The following PRUNE2 variants were observed in gnomAD, a reference collection of about 807,000 sequenced individuals.
PRUNE2 encodes the protein prune homolog 2 with BCH domain, also known as protein prune homolog 2.
A neutral mutation model predicts 252.0 loss-of-function variants in PRUNE2; 164 were observed. That is an observed-to-expected ratio of 0.65 (90% CI 0.57 to 0.74). PRUNE2 has a LOEUF of 0.74. Among genes scored for constraint, PRUNE2 ranks in the 30% least tolerant of loss-of-function variants. PRUNE2 has a pLI of 0.00. For missense variants in PRUNE2, 3,495 were observed against 3,711.0 expected (o/e 0.94, Z 1.51); for synonymous variants, 1,292 against 1,350.2 (o/e 0.96, Z 0.94).
chr9:76,855,064 C>CAAA (rs772890225), intron 1 of PRUNE2, among the ~76,000 whole-genome samples: 50 of 78,168 alleles, frequency 6.4e-4, no homozygotes, highest in African/African-American at 2.8e-3. Context: ...GACTCCATCT[C>CAAA]AAAAAAAAAA....
In PRUNE2 at chr9:76,638,262, T is replaced by C; in HGVS notation, c.8755A>G (p.Ile2919Val). Residue 2919 changes from isoleucine (I) to valine (V), a missense_variant, in exon 13 of 19, where the codon ATC becomes GTC. Coordinates refer to ENST00000376718, the MANE Select transcript of PRUNE2 (RefSeq NM_015225.3). ...GGYYGDGLNAIIVFAACFLPD... is the reference protein window; with the variant it reads ...GGYYGDGLNAVIVFAACFLPD... ...AGAAAACAGGCGGCAAACACAATGA[T>C]GGCATTTAGACCGTCCCCATAGTAT... The C allele has an allele frequency of 6.2e-7, 1 of 1,613,764 alleles. No individual in the cohort carries two copies. Among genetic ancestry groups the C allele is most frequent in the African/African-American group, 1.3e-5 (1 of 75,062 alleles).
chr9:76,644,778 T>G lies in PRUNE2; in HGVS notation c.8689A>C (p.Lys2897Gln). 1.2e-6 allele frequency: 2 copies of G among 1,613,924 alleles called. No individual in the cohort carries two copies. The highest frequency in any genetic ancestry group is 8.5e-7 in the Non-Finnish European group (1 of 1,179,846). The change falls in exon 12 of 19, where the codon AAG becomes CAG. Residue 2897 changes from lysine (K) to glutamine (Q), a missense_variant. By Grantham distance (53) the Lys-to-Gln change is moderately conservative. Transcript: ENST00000376718. ...IGEQEQRIDM[K>Q]VIEPYRRVIS... ...ACTCTCCTGTAGGGCTCGATGACCTTCATGTCAATGCGCTGCTCTTGTTCT... is the reference window on the plus strand; with the variant it reads ...ACTCTCCTGTAGGGCTCGATGACCTGCATGTCAATGCGCTGCTCTTGTTCT...
At chr9:76,632,712 G>A (rs116721597) in intron 15 of PRUNE2, among the ~76,000 whole-genome samples, 74 of 152,008 alleles carry the variant, frequency 4.9e-4, no homozygotes, top group African/African-American at 1.7e-3. Context: ...CACATGCTAC[G>A]CTGCCTAGCT....
chr9:76,739,013 G>A (rs1461230140), intron 6 of PRUNE2: 1 of 152,066 alleles, frequency 6.6e-6, no homozygotes, highest in Non-Finnish European at 1.5e-5. Context: ...CTGTGAAGTG[G>A]GCAGAGCTGG....
At chr9:76,641,376 G>A (rs900114878) in intron 12 of PRUNE2, among the ~76,000 whole-genome samples, 1 of 152,180 alleles carries the variant, frequency 6.6e-6, no homozygotes. Flanking sequence ...TCAAGAGCCA[G>A]TGCCGTTGGC....
At chr9:76,624,075 C>T (rs1459076196) in intron 17 of PRUNE2, among the ~76,000 whole-genome samples, 2 of 152,124 alleles carry the variant, frequency 1.3e-5, no homozygotes, top group Non-Finnish European at 2.9e-5. Context: ...TTCCAAATCT[C>T]GATGTGTTAT....
intron 17 of PRUNE2, among the ~76,000 whole-genome samples, chr9:76,620,898 C>A (rs909699852): frequency 1.3e-5 from 2 of 152,220 alleles, no homozygotes; most frequent in Non-Finnish European, 2.9e-5. Context: ...CACACGGATG[C>A]TTCCCAATTT....
intron 6 of PRUNE2, among the ~76,000 whole-genome samples, chr9:76,797,781 G>A (rs1370362226): frequency 6.6e-6 from 1 of 152,036 alleles, no homozygotes; most frequent in African/African-American, 2.4e-5. Flanking sequence ...GGTAGAGAGG[G>A]GAAGGGGTTG....
intron 14 of PRUNE2, 72 bp downstream of exon 14, chr9:76,637,346 G>GTA (rs1840609729): frequency 2.1e-6 from 3 of 1,404,818 alleles, no homozygotes; most frequent in African/African-American, 1.4e-5. Context: ...GATAATAACA[G>GTA]TATACCATGT....
chr9:76,896,740 C>G (rs2062845951), intron 1 of PRUNE2, among the ~76,000 whole-genome samples: 1 of 152,116 alleles, frequency 6.6e-6, no homozygotes, highest in African/African-American at 2.4e-5. Context: ...TGTTCTAACC[C>G]TGGATCTTCT....
chr9:76,800,088 A>G (rs745434639), intron 6 of PRUNE2, among the ~76,000 whole-genome samples: 2 of 152,122 alleles, frequency 1.3e-5, no homozygotes, highest in African/African-American at 2.4e-5. Context: ...TCTAGGGTAC[A>G]TGTGCACAAC....
chr9:76,692,015 C>G (rs184535973), intron 9 of PRUNE2: 18 of 715,694 alleles, frequency 2.5e-5, no homozygotes, highest in Admixed American at 2.0e-5. Flanking sequence ...ACAACACTCT[C>G]CATCTCATTC....
chr9:76,868,645 C>T (rs903773031), intron 1 of PRUNE2, among the ~76,000 whole-genome samples: 3 of 152,184 alleles, frequency 2.0e-5, no homozygotes, highest in Non-Finnish European at 4.4e-5. Flanking sequence ...ACTCACCTAG[C>T]GTCAATATGC....
rs960511619 is a variant in PRUNE2, at chr9:76,882,594, G to A, written c.36+23334C>T. ...GTGGAAAGAAAGCGGGGAGCAAAGC[G>A]TCTCACATGGTGGGAACAGGAGCAA... On this transcript the variant is annotated intron_variant, in intron 1 of 18. Coordinates refer to ENST00000376718, the MANE Select transcript of PRUNE2 (RefSeq NM_015225.3). Among the ~76,000 whole-genome samples the A allele has an allele frequency of 2.6e-5, 4 of 152,172 alleles. No individual in the cohort carries two copies. In the East Asian group the frequency reaches 5.8e-4, roughly 22 times the overall value.
rs896307019 is a variant in PRUNE2 at position 76,843,815 on chromosome 9, G to A, written c.508+2700C>T. Among the ~76,000 whole-genome samples the A allele has an allele frequency of 4.0e-4, 56 of 139,362 alleles. 1 individual carries two copies. The highest frequency in any genetic ancestry group is 3.1e-3 in the Admixed American group (40 of 12,996). The allele number at this position is 139,362 out of a possible 152,430, so 91.4% of individuals were successfully genotyped here. ...GAGATCTCGGCTCACTGCAACCTTC[G>A]CTTCCTGGGTTCAAGCAATTCTCCC... On this transcript the variant is annotated intron_variant, in intron 4 of 18. Transcript: ENST00000376718.
At chr9:76,712,116 A>G (rs1010071941) in intron 7 of PRUNE2, among the ~76,000 whole-genome samples, 1 of 152,170 alleles carries the variant, frequency 6.6e-6, no homozygotes, top group African/African-American at 2.4e-5. Context: ...CACTACCACC[A>G]TGGAGCTCAC....
At chr9:76,745,492 G>A (rs1373333243) in intron 6 of PRUNE2, among the ~76,000 whole-genome samples, 1 of 152,034 alleles carries the variant, frequency 6.6e-6, no homozygotes, top group African/African-American at 2.4e-5. Flanking sequence ...ACTCCACCTG[G>A]ACCTGCCAAC....
chr9:76,688,282 G>A (rs991079064), intron 9 of PRUNE2, among the ~76,000 whole-genome samples: 4 of 152,202 alleles, frequency 2.6e-5, no homozygotes, highest in African/African-American at 9.6e-5. Flanking sequence ...TAGTCATAGA[G>A]ACCATTGTCC....
At position 76,703,351 on chromosome 9, in the gene PRUNE2, T is replaced by C. The variant is rs752954304; in HGVS notation, c.8262A>G (p.Ile2754Met). The C allele has an allele frequency of 3.8e-6, 6 of 1,590,234 alleles. No homozygotes were observed. The highest frequency in any genetic ancestry group is 4.3e-6 in the Non-Finnish European group (5 of 1,168,982). ...ETEFLELGTRISRPNGLLSED... is the reference protein window; with the variant it reads ...ETEFLELGTRMSRPNGLLSED... ...TTTTTGCTTACCCATTTGGTCTTGA[T>C]ATCCTGGTTCCGAGCTCAAGGAACT... is the stretch of plus-strand genomic sequence containing the variant. Residue 2754 changes from isoleucine to methionine, a missense_variant, in exon 9 of 19, where the codon ATA becomes ATG. Ile to Met is a conservative substitution (Grantham distance 10). Coordinates refer to ENST00000376718, the MANE Select transcript of PRUNE2 (RefSeq NM_015225.3).
Sources: gnomAD v4.1 joint callset for allele counts (sites outside exome capture counted in the v4.1 genomes callset) on GRCh38, gnomAD v4.1.1 for gene constraint, MANE v1.5 for transcripts, NCBI Gene and HGNC (gene_info 2026-07-23, HGNC 2026-07-21) for gene names.